TLK1: variants seen among roughly 807,000 people sequenced by gnomAD.
The protein encoded by TLK1 is tousled like kinase 1.
A neutral mutation model predicts 105.3 loss-of-function variants in TLK1; 24 were observed. That is an observed-to-expected ratio of 0.23 (90% CI 0.17 to 0.32). The LOEUF (loss-of-function observed/expected upper bound fraction) is 0.32. TLK1 is among the 10% of genes least tolerant of loss of function. TLK1 has a pLI of 1.00. For missense variants in TLK1, 558 were observed against 910.5 expected, an observed-to-expected ratio of 0.61 and a Z score of 4.98; for synonymous variants, 321 against 310.4, an observed-to-expected ratio of 1.03 and a Z score of -0.36.
At chr2:171,174,044 A>G (rs2105303938) in intron 1 of TLK1, among the ~76,000 whole-genome samples, 1 of 152,278 alleles carries the variant, frequency 6.6e-6, no homozygotes, top group Admixed American at 6.5e-5. Flanking sequence ...CCATTGCCTT[A>G]GTTCAAACTT....
intron 1 of TLK1, among the ~76,000 whole-genome samples, chr2:171,188,717 A>G (rs954073920): frequency 2.7e-5 from 4 of 150,820 alleles, no homozygotes; most frequent in Non-Finnish European, 4.4e-5. Context: ...AAAAAAAAAA[A>G]AAAAAAAAGA....
chr2:171,108,356 C>T (rs562856658), intron 2 of TLK1, among the ~76,000 whole-genome samples: 20 of 152,074 alleles, frequency 1.3e-4, no homozygotes, highest in Non-Finnish European at 2.8e-4. Flanking sequence ...ATATACTATA[C>T]ACTACACTGA....
At chr2:171,217,954 A>C (rs1693743904) in intron 1 of TLK1, among the ~76,000 whole-genome samples, 1 of 152,168 alleles carries the variant, frequency 6.6e-6, no homozygotes, top group South Asian at 2.1e-4. Flanking sequence ...AACTTGGTGT[A>C]TTAAAACAAC....
At chr2:171,177,140 T>C (rs1692844649) in intron 1 of TLK1, among the ~76,000 whole-genome samples, 1 of 145,602 alleles carries the variant, frequency 6.9e-6, no homozygotes. Flanking sequence ...ACTCCTCTTT[T>C]CTTTTTTCTT....
intron 2 of TLK1, among the ~76,000 whole-genome samples, chr2:171,093,863 C>T (rs1575591346): frequency 6.6e-6 from 1 of 152,106 alleles, no homozygotes; most frequent in South Asian, 2.1e-4. Flanking sequence ...TCCCCTTACC[C>T]ACCTGTCCCA....
upstream of TLK1, among the ~76,000 whole-genome samples, chr2:171,164,378 T>C (rs1369537598): frequency 1.3e-5 from 2 of 152,204 alleles, no homozygotes; most frequent in African/African-American, 4.8e-5. Context: ...CTGGATTTAT[T>C]CCTAAGTATG....
intron 3 of TLK1, among the ~76,000 whole-genome samples, chr2:171,081,396 C>G (rs1688746673): frequency 6.6e-6 from 1 of 152,084 alleles, no homozygotes; most frequent in Non-Finnish European, 1.5e-5. Flanking sequence ...TATTTTATTG[C>G]TCTTCATAAC....
At chr2:171,000,376 CAAAAAAAAAA>C (rs34800888) in intron 18 of TLK1, among the ~76,000 whole-genome samples, 7 of 78,348 alleles carry the variant, frequency 8.9e-5, no homozygotes, top group African/African-American at 3.5e-4. Context: ...GAAACTCTGT[CAAAAAAAAAA>C]AAAAAAAAAA....
At chr2:171,154,372 T>C (rs1170673539) in intron 1 of TLK1, 1 of 151,880 alleles carries the variant, frequency 6.6e-6, no homozygotes, top group Non-Finnish European at 1.5e-5. Flanking sequence ...TCTAATCCAA[T>C]GCTCTCATTT....
chr2:170,999,926 T>C (rs971462501), intron 18 of TLK1, among the ~76,000 whole-genome samples: 1 of 152,064 alleles, frequency 6.6e-6, no homozygotes, highest in African/African-American at 2.4e-5. Context: ...GCCTGGCTAA[T>C]TTTTTTAAAA....
chr2:171,190,413 G>A (rs1395339800), intron 1 of TLK1, among the ~76,000 whole-genome samples: 1 of 152,186 alleles, frequency 6.6e-6, no homozygotes, highest in Non-Finnish European at 1.5e-5. Context: ...TTAAATGAGT[G>A]TCTTCAATTC....
At chr2:171,058,026 T>A in intron 5 of TLK1, 125 bp downstream of exon 5, 2 of 857,632 alleles carry the variant, frequency 2.3e-6, no homozygotes, top group Non-Finnish European at 3.7e-6. Flanking sequence ...TATCACATAG[T>A]AATAAAGCTC....
At chr2:171,182,546 A>C (rs1418325058) in intron 1 of TLK1, among the ~76,000 whole-genome samples, 2 of 152,194 alleles carry the variant, frequency 1.3e-5, no homozygotes, top group African/African-American at 4.8e-5. Context: ...ATACTGAAGA[A>C]CTATTTCAGG....
At chr2:171,085,058 A>C (rs1575584897) in intron 2 of TLK1, among the ~76,000 whole-genome samples, 1 of 152,166 alleles carries the variant, frequency 6.6e-6, no homozygotes, top group Non-Finnish European at 1.5e-5. Flanking sequence ...CCTAAAAACT[A>C]CTAAAGCCAG....
At chr2:171,192,641 C>G (rs181587721) in intron 1 of TLK1, among the ~76,000 whole-genome samples, 1 of 152,048 alleles carries the variant, frequency 6.6e-6, no homozygotes, top group East Asian at 1.9e-4. Context: ...GATCATGCCA[C>G]TGCACTCCAG....
At chr2:171,078,317 A>G (rs1256074561) in intron 3 of TLK1, among the ~76,000 whole-genome samples, 1 of 152,190 alleles carries the variant, frequency 6.6e-6, no homozygotes, top group Non-Finnish European at 1.5e-5. Flanking sequence ...AGGCAGGCAG[A>G]TTATGAGGTC....
chr2:171,072,420 T>G (rs1688304569), intron 3 of TLK1, among the ~76,000 whole-genome samples: 1 of 152,136 alleles, frequency 6.6e-6, no homozygotes, highest in South Asian at 2.1e-4. Flanking sequence ...TCGACCAGCC[T>G]GGCCAACATG....
rs1559351750 is a variant in TLK1 at position 171,028,233 on chromosome 2, T to C, written c.1236+106A>G. On this transcript the variant is annotated intron_variant, in intron 12 of 20. Coordinates refer to ENST00000431350, the MANE Select transcript of TLK1 (RefSeq NM_012290.5). ...TTAATCTGAAATTTTTAATTTGAAA[T>C]CTTACTCTCTTAAATTTTGGCTTTT... is the stretch of plus-strand genomic sequence containing the variant. 1.7e-5 allele frequency: 13 copies of C among 757,990 alleles called. No homozygotes were observed. The East Asian group carries it at 3.2e-4, about 19-fold the overall frequency. 47.0% of individuals were successfully genotyped at this position (757,990 alleles called of 1,614,324 possible).
At chr2:171,017,665 T>A (rs1347740642) in intron 12 of TLK1, among the ~76,000 whole-genome samples, 1 of 152,246 alleles carries the variant, frequency 6.6e-6, no homozygotes, top group African/African-American at 2.4e-5. Flanking sequence ...AAGCTTTTTT[T>A]ATTTTGCCTC....
Sources: allele counts gnomAD v4.1 joint callset (sites outside exome capture counted in the v4.1 genomes callset), GRCh38; gene constraint gnomAD v4.1.1; transcripts MANE v1.5; gene names NCBI Gene and HGNC (gene_info 2026-07-23, HGNC 2026-07-21).